XYLT1: variants seen among roughly 807,000 people sequenced by gnomAD.
The protein encoded by XYLT1 is xylosyltransferase 1.
XYLT1 carries 36 observed loss-of-function variants against 91.3 expected under a neutral mutation model. That is an observed-to-expected ratio of 0.39 (90% CI 0.30 to 0.52). XYLT1 has a LOEUF of 0.52. Ranked by LOEUF, XYLT1 falls within the 20% of genes least tolerant of loss-of-function variation. XYLT1 has a pLI of 0.68. For missense variants in XYLT1, 1,242 were observed against 1,284.5 expected (o/e 0.97, Z 0.51); for synonymous variants, 588 against 532.0 (o/e 1.11, Z -1.45).
At chr16:17,265,931 A>C (rs1366651495) in intron 2 of XYLT1, among the ~76,000 whole-genome samples, 1 of 152,158 alleles carries the variant, frequency 6.6e-6, no homozygotes, top group Non-Finnish European at 1.5e-5. Flanking sequence ...GCTGATGTCC[A>C]ATTTTCTTAT....
intron 1 of XYLT1, among the ~76,000 whole-genome samples, chr16:17,468,050 T>G (rs1331050212): frequency 6.6e-6 from 1 of 152,188 alleles, no homozygotes; most frequent in Admixed American, 6.5e-5. Flanking sequence ...CGGCCTCTAT[T>G]GCTTGCGAAA....
chr16:17,312,130 C>T lies in XYLT1; in HGVS notation c.402+45882G>A, dbSNP rs1321145283. On this transcript the variant is annotated intron_variant, in intron 2 of 11. Transcript: ENST00000261381. The surrounding 1 kb of genome is among the most constrained non-coding windows in gnomAD (Gnocchi z 4.4). Reference sequence around the variant, plus strand: ...AGCTGGAGGATGAAAAAGAGCTTGCCGACAGACAAGAGGAAGAGGGGCGTT... The same window carrying T: ...AGCTGGAGGATGAAAAAGAGCTTGCTGACAGACAAGAGGAAGAGGGGCGTT... 2.0e-5 allele frequency among the ~76,000 whole-genome samples: 3 copies of T among 152,056 alleles called. No homozygotes were observed. The highest frequency in any genetic ancestry group is 2.1e-4 in the South Asian group (1 of 4,816).
intron 2 of XYLT1, among the ~76,000 whole-genome samples, chr16:17,329,194 C>A (rs1350380872): frequency 6.6e-6 from 1 of 152,176 alleles, no homozygotes; most frequent in Non-Finnish European, 1.5e-5. Flanking sequence ...CTTACAAAAA[C>A]AGATGGCTGG....
At position 17,334,569 on chromosome 16, in the gene XYLT1, C is replaced by T. The variant is rs572057370; in HGVS notation, c.402+23443G>A. ...TTTGAAAAGGCCATTTTTCTACTAA[C>T]CACCCAGGAATGTGTAGGTGTAGCA... On this transcript the variant is annotated intron_variant, in intron 2 of 11. Coordinates refer to ENST00000261381, the MANE Select transcript of XYLT1 (RefSeq NM_022166.4). 6.6e-5 allele frequency among the ~76,000 whole-genome samples: 10 copies of T among 152,076 alleles called. No homozygotes were observed. In the South Asian group the frequency reaches 1.5e-3, roughly 22 times the overall value.
chr16:17,147,501 C>T (rs779342091), intron 6 of XYLT1, among the ~76,000 whole-genome samples: 2 of 152,204 alleles, frequency 1.3e-5, no homozygotes, highest in Non-Finnish European at 2.9e-5. Flanking sequence ...AATATTTATG[C>T]AGTCATCTCC....
At chr16:17,316,948 G>A (rs546069271) in intron 2 of XYLT1, among the ~76,000 whole-genome samples, 15 of 150,580 alleles carry the variant, frequency 1.0e-4, no homozygotes, top group South Asian at 2.1e-4. Context: ...TCAGCCTCCC[G>A]AGTAGCTGGG....
intron 2 of XYLT1, among the ~76,000 whole-genome samples, chr16:17,266,325 A>G (rs2033803325): frequency 6.6e-6 from 1 of 152,196 alleles, no homozygotes; most frequent in South Asian, 2.1e-4. Context: ...TCAAGCATAG[A>G]AGATAGTGCC....
At chr16:17,306,048 A>C (rs1186931896) in intron 2 of XYLT1, among the ~76,000 whole-genome samples, 1 of 152,056 alleles carries the variant, frequency 6.6e-6, no homozygotes, top group Non-Finnish European at 1.5e-5. Context: ...TACCCCTGAA[A>C]AGGAGACAGG....
intron 6 of XYLT1, among the ~76,000 whole-genome samples, chr16:17,154,366 T>A (rs879339072): frequency 9.3e-5 from 14 of 150,752 alleles, no homozygotes; most frequent in Admixed American, 3.3e-4. Flanking sequence ...AGTGGAGAAA[T>A]TAGATCAACC....
At chr16:17,431,699 T>A (rs1413125639) in intron 1 of XYLT1, among the ~76,000 whole-genome samples, 1 of 152,210 alleles carries the variant, frequency 6.6e-6, no homozygotes, top group East Asian at 1.9e-4. Flanking sequence ...CATATAGCGA[T>A]CAATGCAGGT....
intron 3 of XYLT1, among the ~76,000 whole-genome samples, chr16:17,253,859 A>AGAGAGAGAGAGAGAGAGC (rs1555491314): frequency 2.1e-4 from 31 of 146,252 alleles, no homozygotes; most frequent in African/African-American, 6.9e-4. Flanking sequence ...AGAGAGAGAG[A>AGAGAGAGAGAGAGAGAGC]GAGCGAGCCT....
chr16:17,396,487 C>T (rs935579372), intron 1 of XYLT1, among the ~76,000 whole-genome samples: 2 of 152,180 alleles, frequency 1.3e-5, no homozygotes, highest in Admixed American at 6.5e-5. Flanking sequence ...TCCTGGCACA[C>T]AGTAAGTGCT....
intron 3 of XYLT1, among the ~76,000 whole-genome samples, chr16:17,215,864 T>A (rs888081769): frequency 1.3e-5 from 2 of 152,076 alleles, no homozygotes; most frequent in African/African-American, 4.8e-5. Flanking sequence ...AGCAGAGGCA[T>A]CACACAGGGT....
chr16:17,224,574 G>A (rs139833452), intron 3 of XYLT1, among the ~76,000 whole-genome samples: 11 of 152,282 alleles, frequency 7.2e-5, no homozygotes, highest in African/African-American at 2.6e-4. Context: ...TTCCCTCTGC[G>A]TCCTGGCTCT....
At chr16:17,201,015 C>T (rs561320203) in intron 3 of XYLT1, among the ~76,000 whole-genome samples, 6 of 152,288 alleles carry the variant, frequency 3.9e-5, no homozygotes, top group African/African-American at 1.4e-4. Flanking sequence ...AGTTAGTGAA[C>T]GTAAGATACA....
In XYLT1 at chr16:17,317,656, A is replaced by AG. The variant is rs1292919976; in HGVS notation, c.402+40355_402+40356insC. ...AAAAAAAAAAAAAAAAAAAAAAAAA[A>AG]AAGGCATCAGGAGCTAGTATTTATG... On this transcript the variant is annotated intron_variant, in intron 2 of 11. Transcript: ENST00000261381. Among the ~76,000 whole-genome samples, 89 of 145,162 alleles carry AG rather than the reference A, an allele frequency of 6.1e-4. 1 individual carries two copies. Among genetic ancestry groups the AG allele is most frequent in the African/African-American group, 2.2e-3 (86 of 38,762 alleles).
At chr16:17,406,311 C>T (rs1452729573) in intron 1 of XYLT1, among the ~76,000 whole-genome samples, 1 of 152,192 alleles carries the variant, frequency 6.6e-6, no homozygotes, top group Non-Finnish European at 1.5e-5. Flanking sequence ...TAAATAGTCA[C>T]CACCTGCATG....
At chr16:17,231,598 G>A (rs1010163468) in intron 3 of XYLT1, among the ~76,000 whole-genome samples, 6 of 152,150 alleles carry the variant, frequency 3.9e-5, no homozygotes, top group East Asian at 3.8e-4. Context: ...ATCACAGAGC[G>A]CAGTTACACA....
chr16:17,345,745 G>A (rs556457657), intron 2 of XYLT1, among the ~76,000 whole-genome samples: 49 of 152,302 alleles, frequency 3.2e-4, no homozygotes, highest in African/African-American at 7.9e-4. Flanking sequence ...CTTAATGCAC[G>A]TTAACCCATC....
Sources: gnomAD v4.1 joint callset for allele counts (sites outside exome capture counted in the v4.1 genomes callset) on GRCh38, gnomAD v4.1.1 for gene constraint, Gnocchi (gnomAD v3.1) non-coding constraint, MANE v1.5 for transcripts, NCBI Gene and HGNC (gene_info 2026-07-23, HGNC 2026-07-21) for gene names.